COLEC12: variants seen among roughly 807,000 people sequenced by gnomAD.
COLEC12 encodes the protein collectin-12.
A neutral mutation model predicts 71.1 loss-of-function variants in COLEC12; 33 were observed. The observed-to-expected ratio is 0.46, with a 90% CI of 0.35 to 0.62. The LOEUF (loss-of-function observed/expected upper bound fraction) is 0.62. COLEC12 is among the 20% of genes least tolerant of loss of function. The pLI is 0.00. For missense variants in COLEC12, 765 were observed against 916.1 expected, an observed-to-expected ratio of 0.84 and a Z score of 2.13; for synonymous variants, 350 against 353.0, an observed-to-expected ratio of 0.99 and a Z score of 0.10.
chr18:493,699 T>A (rs1342640726), intron 1 of COLEC12, among the ~76,000 whole-genome samples: 1 of 152,206 alleles, frequency 6.6e-6, no homozygotes, highest in Non-Finnish European at 1.5e-5. Flanking sequence ...AATATTTGTT[T>A]AAAGAATAAA....
At chr18:429,510 T>C (rs2143670830) in intron 2 of COLEC12, among the ~76,000 whole-genome samples, 1 of 152,112 alleles carries the variant, frequency 6.6e-6, no homozygotes, top group South Asian at 2.1e-4. Context: ...GCCTCCTGAG[T>C]AACTGGGATT....
chr18:378,852 C>T (rs1028937940), intron 2 of COLEC12, among the ~76,000 whole-genome samples: 3 of 152,164 alleles, frequency 2.0e-5, no homozygotes, highest in African/African-American at 7.2e-5. Context: ...TCCCCAAGTA[C>T]CTGCTTTGCT....
At chr18:358,683 C>G (rs1199732241) in intron 2 of COLEC12, among the ~76,000 whole-genome samples, 1 of 152,204 alleles carries the variant, frequency 6.6e-6, no homozygotes, top group Non-Finnish European at 1.5e-5. Context: ...AGTCCAGTTC[C>G]TAACAGGTAA....
intron 2 of COLEC12, among the ~76,000 whole-genome samples, chr18:442,284 G>C (rs1299934536): frequency 6.6e-6 from 1 of 152,146 alleles, no homozygotes; most frequent in Non-Finnish European, 1.5e-5. Flanking sequence ...AAGTTTGATT[G>C]TCATGTCTAT....
chr18:473,818 GAGT>G (rs1159128942), intron 2 of COLEC12, among the ~76,000 whole-genome samples: 1 of 152,154 alleles, frequency 6.6e-6, no homozygotes, highest in Non-Finnish European at 1.5e-5. Flanking sequence ...AAACAGAGCT[GAGT>G]AGATTTTTTT....
intron 8 of COLEC12, among the ~76,000 whole-genome samples, chr18:330,424 G>A (rs1330004047): frequency 1.3e-5 from 2 of 151,968 alleles, no homozygotes; most frequent in African/African-American, 4.8e-5. Flanking sequence ...TGATGCTCCT[G>A]TGCCTGGTGG....
intron 2 of COLEC12, among the ~76,000 whole-genome samples, chr18:382,356 T>C (rs968867160): frequency 8.5e-5 from 13 of 152,212 alleles, no homozygotes; most frequent in African/African-American, 2.9e-4. Context: ...GCTTCACAGA[T>C]ATGTGGTCTT....
chr18:338,310 T>G (rs1188582439), intron 5 of COLEC12, among the ~76,000 whole-genome samples: 1 of 152,206 alleles, frequency 6.6e-6, no homozygotes, highest in Non-Finnish European at 1.5e-5. Context: ...CAGTCACTAT[T>G]AAGCAAGTGT....
intron 2 of COLEC12, among the ~76,000 whole-genome samples, chr18:462,927 T>C (rs1209844808): frequency 2.6e-5 from 4 of 152,244 alleles, no homozygotes; most frequent in African/African-American, 9.6e-5. Context: ...TCTCCCCAGC[T>C]GGAGTTTATT....
rs1325943539 is a variant in COLEC12 at position 346,777 on chromosome 18, G to A, written c.845C>T (p.Thr282Ile). 2 of 1,614,218 alleles carry A rather than the reference G, an allele frequency of 1.2e-6. No individual in the cohort carries two copies. Among genetic ancestry groups the A allele is most frequent in the South Asian group, 1.1e-5 (1 of 91,080 alleles). Residue 282 changes from threonine to isoleucine, a missense_variant, in exon 5 of 10, where the codon ACC (threonine) becomes ATC (isoleucine). Thr to Ile is a moderately conservative substitution (Grantham distance 89). Coordinates refer to ENST00000400256, the MANE Select transcript of COLEC12 (RefSeq NM_130386.3). The surrounding 1 kb of genome is among the most constrained non-coding windows in gnomAD (Gnocchi z 4.0). ...GAGCTGGCTGTTCATATCCTCCAGG[G>A]TGTCGTTGTTGGCTTTGGCCAACGC... The part of the protein sequence containing the change: ...NSALAKANND[T>I]LEDMNSQLNS...
intron 2 of COLEC12, among the ~76,000 whole-genome samples, chr18:453,538 C>T (rs938266632): frequency 5.9e-5 from 9 of 152,218 alleles, no homozygotes; most frequent in Non-Finnish European, 7.4e-5. Flanking sequence ...GATTTGTCAG[C>T]GCTAAATGCT....
chr18:482,932 G>A (rs1202866127), intron 1 of COLEC12, among the ~76,000 whole-genome samples: 1 of 152,094 alleles, frequency 6.6e-6, no homozygotes, highest in African/African-American at 2.4e-5. Context: ...TTTCAAGAAA[G>A]AGAGGCATAT....
intron 2 of COLEC12, among the ~76,000 whole-genome samples, chr18:438,835 G>A (rs1916457116): frequency 6.7e-6 from 1 of 149,678 alleles, no homozygotes; most frequent in Non-Finnish European, 1.5e-5. Flanking sequence ...ATTTTGGAAA[G>A]TCCCAATTAC....
intron 2 of COLEC12, among the ~76,000 whole-genome samples, chr18:368,042 A>T (rs1366851714): frequency 6.6e-6 from 1 of 152,276 alleles, no homozygotes; most frequent in Non-Finnish European, 1.5e-5. Context: ...AATAAAAATG[A>T]AAAACCATTA....
chr18:325,502 C>T (rs1417078193), intron 8 of COLEC12, among the ~76,000 whole-genome samples: 4 of 151,972 alleles, frequency 2.6e-5, no homozygotes, highest in Non-Finnish European at 5.9e-5. Context: ...AGCAGGTGGG[C>T]AAGTACCCAG....
At chr18:451,653 A>C (rs556550828) in intron 2 of COLEC12, among the ~76,000 whole-genome samples, 67 of 152,190 alleles carry the variant, frequency 4.4e-4, no homozygotes, top group African/African-American at 1.6e-3. Context: ...AGGTTGAGGC[A>C]GGAGAATTGC....
In COLEC12 at chr18:346,451, T is replaced by C. The variant is rs1456945135; in HGVS notation, c.1171A>G (p.Asn391Asp). ...DLTSLNNTLA[N>D]IRLDSVSLRM... Reference sequence around the variant, plus strand: ...AGAGAAACAGAATCCAAACGGATGTTGGCCAGGGTATTATTCAAGGAGGTC... The same window carrying C: ...AGAGAAACAGAATCCAAACGGATGTCGGCCAGGGTATTATTCAAGGAGGTC... The change falls in exon 5 of 10, where the codon AAC (asparagine) becomes GAC (aspartate). Residue 391 changes from asparagine to aspartate, a missense_variant. Transcript: ENST00000400256. This position sits in a 1 kb window ranked among gnomAD's most constrained non-coding sequence, Gnocchi z 4.0. 3 of 1,614,202 alleles carry C rather than the reference T, an allele frequency of 1.9e-6. No individual in the cohort carries two copies. The highest frequency in any genetic ancestry group is 2.5e-6 in the Non-Finnish European group (3 of 1,180,048).
intron 2 of COLEC12, among the ~76,000 whole-genome samples, chr18:451,339 G>C (rs1916756475): frequency 6.6e-6 from 1 of 152,096 alleles, no homozygotes; most frequent in Non-Finnish European, 1.5e-5. Flanking sequence ...AAGGGAAGCG[G>C]AGCCCAAAAG....
intron 2 of COLEC12, among the ~76,000 whole-genome samples, chr18:379,073 G>A (rs1375575739): frequency 6.6e-6 from 1 of 152,124 alleles, no homozygotes; most frequent in African/African-American, 2.4e-5. Context: ...AGGCTGGAGG[G>A]ATGGTGCAAT....
Sources: gnomAD v4.1 joint callset for allele counts (sites outside exome capture counted in the v4.1 genomes callset) on GRCh38, gnomAD v4.1.1 for gene constraint, Gnocchi (gnomAD v3.1) non-coding constraint, MANE v1.5 for transcripts, NCBI Gene and HGNC (gene_info 2026-07-23, HGNC 2026-07-21) for gene names.